Variants in SSU72 observed in about 807,000 individuals in gnomAD.
SSU72 encodes RNA polymerase II subunit A C-terminal domain phosphatase SSU72.
SSU72 carries 12 observed loss-of-function variants against 22.7 expected under a neutral mutation model. The ratio of observed to expected loss-of-function variants is 0.53; its 90% confidence interval spans 0.34 to 0.86. The LOEUF (loss-of-function observed/expected upper bound fraction) is 0.86. SSU72 is among the 40% of genes least tolerant of loss of function. The probability of loss-of-function intolerance (pLI) is 0.02; values close to 1 mark genes in which losing one functional copy is unlikely to be tolerated. For synonymous variants in SSU72, 116 were observed against 98.3 expected (o/e 1.18, Z -1.06); for missense variants, 151 against 249.8 (o/e 0.60, Z 2.67).
intron 2 of SSU72, chr1:1,564,506 G>C: frequency 1.3e-6 from 2 of 1,513,928 alleles, no homozygotes; most frequent in East Asian, 4.9e-5. Context: ...CCTGGTCTAC[G>C]CTATGTCACG....
At chr1:1,560,825 A>T (rs1467169344) in intron 2 of SSU72, 1 of 152,258 alleles carries the variant, frequency 6.6e-6, no homozygotes, top group East Asian at 1.9e-4. Context: ...ATATCTAAAA[A>T]AATAATAATA....
rs1158254766 is a variant in SSU72, at chr1:1,564,479, C to T, written c.224+294G>A. 3.4e-6 allele frequency: 5 copies of T among 1,477,140 alleles called. No homozygotes were observed. In the African/African-American group the frequency reaches 4.2e-5, roughly 12 times the overall value. The allele number at this position is 1,477,140 out of a possible 1,614,324, so 91.5% of individuals were successfully genotyped here. ...AGCAATGGGATTTTGTGGGTTCCAC[C>T]TCCTCACCTAAGCATCCCTGGTCTA... On this transcript the variant is annotated intron_variant, in intron 2 of 4. Coordinates refer to ENST00000291386, the MANE Select transcript of SSU72 (RefSeq NM_014188.3).
chr1:1,543,200 G>A (rs1642346168), intron 4 of SSU72, among the ~76,000 whole-genome samples: 1 of 152,198 alleles, frequency 6.6e-6, no homozygotes, highest in South Asian at 2.1e-4. Context: ...GAGACATGCA[G>A]GGCCCACTGG....
At chr1:1,543,814 G>C in intron 4 of SSU72, 55 bp downstream of exon 4, 1 of 1,453,044 alleles carries the variant, frequency 6.9e-7, no homozygotes, top group Non-Finnish European at 9.6e-7. Flanking sequence ...CACGGCCTCG[G>C]TCACTCCCCT....
At position 1,557,081 on chromosome 1, in the gene SSU72, CATTT is replaced by C. The variant is rs551501600; in HGVS notation, c.224+7688_224+7691del. Among the ~76,000 whole-genome samples the C allele has an allele frequency of 9.6e-4, 147 of 152,340 alleles. 1 individual carries two copies. The highest frequency in any genetic ancestry group is 4.4e-3 in the Admixed American group (67 of 15,298). On this transcript the variant is annotated intron_variant, in intron 2 of 4. Coordinates refer to ENST00000291386, the MANE Select transcript of SSU72 (RefSeq NM_014188.3). ...TCGGCGTCTGGCTTAGGAACACATT[CATTT>C]GTTTGACAAATACCTTCCCAAAACT...
rs1027109325 is a variant in SSU72 at position 1,542,028 on chromosome 1, C to T, written c.*38G>A. The stretch of plus-strand genomic sequence containing the variant: ...GTCAGGAAGGAAAAAGTATGAACAA[C>T]AGGAAGCTCCAGAGGCGGCTCCATG... On this transcript the variant is annotated 3_prime_UTR_variant, in exon 5 of 5. Transcript: ENST00000291386. The surrounding 1 kb of genome is among the most constrained non-coding windows in gnomAD (Gnocchi z 4.4). The T allele has an allele frequency of 3.2e-6, 5 of 1,541,964 alleles. No individual in the cohort carries two copies. The African/African-American group carries it at 5.5e-5, about 17-fold the overall frequency.
intron 2 of SSU72, chr1:1,546,187 A>T (rs1022242726): frequency 2.6e-5 from 4 of 152,220 alleles, no homozygotes; most frequent in Non-Finnish European, 4.4e-5. Flanking sequence ...GGGACAAGTA[A>T]CCACTTTCAG....
chr1:1,544,835 C>T lies in SSU72; in HGVS notation c.364+28G>A, dbSNP rs546396032. 3 of 1,613,946 alleles carry T rather than the reference C, an allele frequency of 1.9e-6. No individual in the cohort carries two copies. In the African/African-American group the frequency reaches 4.0e-5, roughly 22 times the overall value. The stretch of plus-strand genomic sequence containing the variant: ...CAGACCCTGTGAGAGCTGCTGGAGC[C>T]CAGCCCAGCACGCAGCCGCCTCCTC... On this transcript the variant is annotated intron_variant, in intron 3 of 4. Coordinates refer to ENST00000291386, the MANE Select transcript of SSU72 (RefSeq NM_014188.3).
At chr1:1,567,891 A>T (rs1003008922) in intron 1 of SSU72, among the ~76,000 whole-genome samples, 5 of 139,132 alleles carry the variant, frequency 3.6e-5, no homozygotes, top group Non-Finnish European at 7.5e-5. Context: ...CCAGCCTGGG[A>T]AACAGAGCGA....
In SSU72 at chr1:1,549,574, C is replaced by A. The variant is rs1177280671; in HGVS notation, c.225-4572G>T. Among the ~76,000 whole-genome samples the A allele has an allele frequency of 5.3e-5, 8 of 151,452 alleles. No homozygotes were observed. In the East Asian group the frequency reaches 1.6e-3, roughly 29 times the overall value. On this transcript the variant is annotated intron_variant, in intron 2 of 4. Transcript: ENST00000291386. ...AAGGCTGCAGCCAGGCATGGTGGCT[C>A]ACACCTATAATCCCACCACTTTGGG...
chr1:1,542,266 G>T lies in SSU72; in HGVS notation c.484-99C>A. 8.4e-7 allele frequency: 1 copy of T among 1,187,676 alleles called. No individual in the cohort carries two copies. Among genetic ancestry groups the T allele is most frequent in the Non-Finnish European group, 1.2e-6 (1 of 828,614 alleles). The allele number at this position is 1,187,676 out of a possible 1,614,324, so 73.6% of individuals were successfully genotyped here. ...GGGAAACGCCAGGCCTGAGCCAGCAGAAACCAGCGCAGCAGGCAGGCCCTC... is the reference window on the plus strand; with the variant it reads ...GGGAAACGCCAGGCCTGAGCCAGCATAAACCAGCGCAGCAGGCAGGCCCTC... On this transcript the variant is annotated intron_variant, in intron 4 of 4. Transcript: ENST00000291386. This position sits in a 1 kb window ranked among gnomAD's most constrained non-coding sequence, Gnocchi z 4.4.
chr1:1,558,662 T>C (rs962340993), intron 2 of SSU72, among the ~76,000 whole-genome samples: 4 of 152,246 alleles, frequency 2.6e-5, no homozygotes, highest in African/African-American at 7.2e-5. Flanking sequence ...CAGGATGAAC[T>C]TTCTGTAGGA....
chr1:1,574,495 C>T lies in SSU72; in HGVS notation c.63G>A (p.Glu21=), dbSNP rs1174471182. ...VCSSNQNRSM[E]AHNILSKRGF... Reference sequence around the variant, plus strand: ...CCAACTACCTGAGGATGTTGTGCGCCTCCATGCTCCGGTTCTGGTTGCTCG... The same window carrying T: ...CCAACTACCTGAGGATGTTGTGCGCTTCCATGCTCCGGTTCTGGTTGCTCG... The change falls in exon 1 of 5, where the codon GAG becomes GAA. Residue 21 remains glutamate, a synonymous_variant. Coordinates refer to ENST00000291386, the MANE Select transcript of SSU72 (RefSeq NM_014188.3). 5 of 1,595,482 alleles carry T rather than the reference C, an allele frequency of 3.1e-6. No individual in the cohort carries two copies. Among genetic ancestry groups the T allele is most frequent in the South Asian group, 1.1e-5 (1 of 89,082 alleles).
chr1:1,555,176 C>T (rs936730995), intron 2 of SSU72, among the ~76,000 whole-genome samples: 1 of 152,156 alleles, frequency 6.6e-6, no homozygotes, highest in African/African-American at 2.4e-5. Context: ...GAAGACTCCC[C>T]ACATCAGAGG....
rs1557493383 is a variant in SSU72, at chr1:1,542,910, C to T, written c.484-743G>A. On this transcript the variant is annotated intron_variant, in intron 4 of 4. Transcript: ENST00000291386. This position sits in a 1 kb window ranked among gnomAD's most constrained non-coding sequence, Gnocchi z 4.4. ...CAGAAGCCATGCTGGGTGGGCCAGG[C>T]GGAGCGCAGGAGCCTCTGCGGCCAC... Among the ~76,000 whole-genome samples, 1 of 152,236 alleles carries T rather than the reference C, an allele frequency of 6.6e-6. No individual in the cohort carries two copies. Among genetic ancestry groups the T allele is most frequent in the African/African-American group, 2.4e-5 (1 of 41,456 alleles).
chr1:1,568,427 A>G (rs1377917544), intron 1 of SSU72, among the ~76,000 whole-genome samples: 1 of 151,904 alleles, frequency 6.6e-6, no homozygotes, highest in Non-Finnish European at 1.5e-5. Context: ...CCCCGTCTCT[A>G]CTTTAAAAAA....
intron 1 of SSU72, 83 bp downstream of exon 1, chr1:1,574,395 T>C (rs1181480768): frequency 4.1e-6 from 6 of 1,454,280 alleles, no homozygotes; most frequent in Non-Finnish European, 5.6e-6. Flanking sequence ...TCAGGGGTCC[T>C]GGCGCGGGCC....
intron 2 of SSU72, among the ~76,000 whole-genome samples, chr1:1,548,283 G>A (rs1430307640): frequency 1.3e-5 from 2 of 152,226 alleles, no homozygotes; most frequent in East Asian, 3.8e-4. Context: ...TCCCAGCTGG[G>A]CGCGGTGGCT....
intron 2 of SSU72, among the ~76,000 whole-genome samples, chr1:1,553,735 G>A (rs1008001958): frequency 6.6e-6 from 1 of 151,082 alleles, no homozygotes; most frequent in African/African-American, 2.4e-5. Flanking sequence ...AGCTTGCGGT[G>A]AGCCGAGACC....
Sources: allele counts gnomAD v4.1 joint callset (sites outside exome capture counted in the v4.1 genomes callset), GRCh38; gene constraint gnomAD v4.1.1; non-coding constraint Gnocchi (gnomAD v3.1); transcripts MANE v1.5; gene names NCBI Gene and HGNC (gene_info 2026-07-23, HGNC 2026-07-21).